Variants in PDAP1 observed in about 807,000 individuals in gnomAD.
PDAP1 encodes the protein PDGFA associated protein 1.
Under a neutral mutation model 28.0 loss-of-function variants are expected in PDAP1, and 13 were observed. That is an observed-to-expected ratio of 0.46 (90% CI 0.30 to 0.74). The LOEUF is 0.74. PDAP1 is among the 30% of genes least tolerant of loss of function. The pLI, the probability that PDAP1 is intolerant of heterozygous loss-of-function variation, is 0.07. For missense variants in PDAP1, 150 were observed against 230.0 expected (o/e 0.65, Z 2.25); for synonymous variants, 77 against 85.1 (o/e 0.91, Z 0.52).
chr7:99,396,350 A>G lies in PDAP1; in HGVS notation c.*332T>C, dbSNP rs1011490786. ...CCACCCCCTTACATGCTATCTATCTACCAGACAAATGAAAGCTCTTCTTAC... is the reference window on the plus strand; with the variant it reads ...CCACCCCCTTACATGCTATCTATCTGCCAGACAAATGAAAGCTCTTCTTAC... On this transcript the variant is annotated 3_prime_UTR_variant, in exon 6 of 6. Transcript: ENST00000350498. 3 of 390,908 alleles carry G rather than the reference A, an allele frequency of 7.7e-6. No individual in the cohort carries two copies. The highest frequency in any genetic ancestry group is 4.8e-6 in the Non-Finnish European group (1 of 206,988). The allele number at this position is 390,908 out of a possible 1,614,324, so 24.2% of individuals were successfully genotyped here.
rs921782942 is a variant in PDAP1, at chr7:99,394,963, C to T, written c.*1719G>A. The T allele has an allele frequency of 1.1e-5, 5 of 455,314 alleles. No homozygotes were observed. Among genetic ancestry groups the T allele is most frequent in the Non-Finnish European group, 1.3e-5 (4 of 311,110 alleles). The allele number at this position is 455,314 out of a possible 1,614,324, so 28.2% of individuals were successfully genotyped here. A position where few individuals can be genotyped will look rare whatever the true frequency, so the allele number is the denominator to read the frequency against. ...CAGGGAGAGATTGGTGTTTGCACGGCCATAGGTAGATAGCTTATTTTTACT... is the reference window on the plus strand; with the variant it reads ...CAGGGAGAGATTGGTGTTTGCACGGTCATAGGTAGATAGCTTATTTTTACT... On this transcript the variant is annotated 3_prime_UTR_variant, in exon 6 of 6. Coordinates refer to ENST00000350498, the MANE Select transcript of PDAP1 (RefSeq NM_014891.7).
At chr7:99,399,994 TG>T (rs1260770542) in intron 4 of PDAP1, among the ~76,000 whole-genome samples, 1 of 152,096 alleles carries the variant, frequency 6.6e-6, no homozygotes, top group Non-Finnish European at 1.5e-5. Flanking sequence ...GTCAGATCAG[TG>T]GGGTAAGGGA....
At chr7:99,404,069 T>A (rs543383425) in intron 2 of PDAP1, among the ~76,000 whole-genome samples, 1 of 152,142 alleles carries the variant, frequency 6.6e-6, no homozygotes, top group Admixed American at 6.5e-5. Flanking sequence ...ATGTCCCTTA[T>A]AGGAACCTCA....
chr7:99,399,203 A>T (rs931474238), intron 4 of PDAP1, among the ~76,000 whole-genome samples: 35 of 152,138 alleles, frequency 2.3e-4, no homozygotes, highest in African/African-American at 7.2e-4. Flanking sequence ...GGGGAGGGAG[A>T]GGGACTCCCG....
At chr7:99,404,722 C>G (rs1253470153) in intron 2 of PDAP1, 140 bp downstream of exon 2, 2 of 615,616 alleles carry the variant, frequency 3.2e-6, no homozygotes, top group African/African-American at 3.7e-5. Context: ...GAGACTCACA[C>G]CTGGGGCTCA....
chr7:99,398,029 G>T lies in PDAP1; in HGVS notation c.336-16C>A. 6.2e-7 allele frequency: 1 copy of T among 1,613,544 alleles called. No homozygotes were observed. The highest frequency in any genetic ancestry group is 1.7e-4 in the Middle Eastern group (1 of 6,060). On this transcript the variant is annotated splice_polypyrimidine_tract_variant and intron_variant, in intron 4 of 5. Coordinates refer to ENST00000350498, the MANE Select transcript of PDAP1 (RefSeq NM_014891.7). ...AATCTCTTCTCTGTGTGGATAAAAT[G>T]GTGTCATGGGGACATCTTTCCTACC...
Position 99,394,883 on chromosome 7 carries a change from A to G in PDAP1, c.*1799T>C, listed in dbSNP as rs1014350725. The stretch of plus-strand genomic sequence containing the variant: ...GGTCTTGCTAAGTTTTCCAGGCTGC[A>G]CTAGAACTCGTGGGAGCAATCCTTC... On this transcript the variant is annotated 3_prime_UTR_variant, in exon 6 of 6. Transcript: ENST00000350498. 2.6e-5 allele frequency: 30 copies of G among 1,137,590 alleles called. No individual in the cohort carries two copies. Among genetic ancestry groups the G allele is most frequent in the Admixed American group, 4.2e-5 (1 of 23,564 alleles). The allele number at this position is 1,137,590 out of a possible 1,614,324, so 70.5% of individuals were successfully genotyped here. A position where few individuals can be genotyped will look rare whatever the true frequency, so the allele number is the denominator to read the frequency against.
chr7:99,396,631 G>C lies in PDAP1; in HGVS notation c.*51C>G, dbSNP rs1375170452. The C allele has an allele frequency of 6.7e-7, 1 of 1,491,762 alleles. No homozygotes were observed. The highest frequency in any genetic ancestry group is 9.3e-7 in the Non-Finnish European group (1 of 1,070,236). The allele number at this position is 1,491,762 out of a possible 1,614,324, so 92.4% of individuals were successfully genotyped here. On this transcript the variant is annotated 3_prime_UTR_variant, in exon 6 of 6. Transcript: ENST00000350498. ...CACAGGGTGGGCGAGACACAGCAGA[G>C]GTCCTGGCAGCGCGGCCCAGGTCCC...
At chr7:99,403,559 G>T (rs1315252035) in intron 2 of PDAP1, 54 bp from the exon 3 acceptor site, 3 of 1,121,764 alleles carry the variant, frequency 2.7e-6, no homozygotes, top group Admixed American at 3.4e-5. Flanking sequence ...AAATCCCCAA[G>T]ACTGTGACCC....
chr7:99,399,163 A>G (rs1299899861), intron 4 of PDAP1, among the ~76,000 whole-genome samples: 1 of 152,130 alleles, frequency 6.6e-6, no homozygotes, highest in Non-Finnish European at 1.5e-5. Context: ...CTGGGGAGTA[A>G]TGAGAAACCA....
intron 4 of PDAP1, 37 bp downstream of exon 4, chr7:99,400,266 T>A: frequency 6.2e-7 from 1 of 1,611,204 alleles, no homozygotes; most frequent in East Asian, 2.2e-5. Flanking sequence ...TGCTGGCCTG[T>A]ATTCCCCGTG....
intron 2 of PDAP1, 34 bp downstream of exon 2, chr7:99,404,828 G>A (rs1263184289): frequency 6.4e-7 from 1 of 1,564,394 alleles, no homozygotes; most frequent in African/African-American, 1.4e-5. Flanking sequence ...GCCACCCTGG[G>A]CCACTGGCGT....
intron 1 of PDAP1, among the ~76,000 whole-genome samples, chr7:99,408,215 A>C (rs1795021696): frequency 6.6e-6 from 1 of 152,130 alleles, no homozygotes; most frequent in African/African-American, 2.4e-5. Flanking sequence ...GCGGTGACTC[A>C]GTTCCTAGCC....
chr7:99,394,893 G>C lies in PDAP1; in HGVS notation c.*1789C>G. On this transcript the variant is annotated 3_prime_UTR_variant, in exon 6 of 6. Transcript: ENST00000350498. ...AGTTTTCCAGGCTGCACTAGAACTC[G>C]TGGGAGCAATCCTTCTGCCTCAGCC... 3 of 1,079,428 alleles carry C rather than the reference G, an allele frequency of 2.8e-6. No individual in the cohort carries two copies. Among genetic ancestry groups the C allele is most frequent in the Non-Finnish European group, 3.5e-6 (3 of 855,826 alleles). 66.9% of individuals were successfully genotyped at this position (1,079,428 alleles called of 1,614,324 possible).
chr7:99,400,370 C>G lies in PDAP1; in HGVS notation c.268G>C (p.Ala90Pro). 6.2e-7 allele frequency: 1 copy of G among 1,614,050 alleles called. No individual in the cohort carries two copies. The highest frequency in any genetic ancestry group is 1.1e-5 in the South Asian group (1 of 91,070). Residue 90 changes from alanine (A) to proline (P), a missense_variant, in exon 4 of 6, where the codon GCA (alanine) becomes CCA (proline). Ala to Pro is a conservative substitution (Grantham distance 27). Transcript: ENST00000350498. Reference protein sequence around the residue: ...LIDIENPNRVAQTTKKVTQLD... With the variant: ...LIDIENPNRVPQTTKKVTQLD... The stretch of plus-strand genomic sequence containing the variant: ...TGTGTGACCTTTTTGGTTGTCTGTG[C>G]CACCCGGTTGGGGTTCTCGATGTCG...
intron 1 of PDAP1, chr7:99,406,622 A>C (rs1794976425): frequency 1.0e-6 from 1 of 985,164 alleles, no homozygotes; most frequent in South Asian, 4.7e-5. Context: ...CCAGTTTTAA[A>C]GCAAGGTGGC....
rs767943910 is a variant in PDAP1 at position 99,396,785 on chromosome 7, C to A, written c.488-45G>T. On this transcript the variant is annotated intron_variant, in intron 5 of 5. Transcript: ENST00000350498. The stretch of plus-strand genomic sequence containing the variant: ...CAGGGGTTAAAACAAAGCAACCCCC[C>A]ACCCCCTCCCAACACACGTGCCAGA... 2.2e-5 allele frequency: 33 copies of A among 1,471,032 alleles called. No homozygotes were observed. The East Asian group carries it at 3.2e-4, about 14-fold the overall frequency. 91.1% of individuals were successfully genotyped at this position (1,471,032 alleles called of 1,614,324 possible). A position where few individuals can be genotyped will look rare whatever the true frequency, so the allele number is the denominator to read the frequency against.
At chr7:99,404,500 C>T (rs930668208) in intron 2 of PDAP1, among the ~76,000 whole-genome samples, 2 of 152,070 alleles carry the variant, frequency 1.3e-5, no homozygotes, top group Non-Finnish European at 2.9e-5. Flanking sequence ...TGCAGTGTGG[C>T]AAATCATCCT....
chr7:99,402,859 A>G (rs965761168), intron 3 of PDAP1, among the ~76,000 whole-genome samples: 6 of 148,548 alleles, frequency 4.0e-5, no homozygotes, highest in African/African-American at 1.5e-4. Context: ...AGCCTCAGTG[A>G]CAAAGCGACA....
Sources: gnomAD v4.1 joint callset for allele counts (sites outside exome capture counted in the v4.1 genomes callset) on GRCh38, gnomAD v4.1.1 for gene constraint, MANE v1.5 for transcripts, NCBI Gene and HGNC (gene_info 2026-07-23, HGNC 2026-07-21) for gene names.